ARMC8: variants seen among roughly 807,000 people sequenced by gnomAD.
ARMC8 encodes the protein armadillo repeat-containing protein 8.
In ARMC8, 20 loss-of-function variants were observed where a neutral mutation model predicts 99.3. That is an observed-to-expected ratio of 0.20 (90% CI 0.14 to 0.29). The LOEUF (loss-of-function observed/expected upper bound fraction) is 0.29. Among genes scored for constraint, ARMC8 ranks in the 10% least tolerant of loss-of-function variants. ARMC8 has a pLI of 1.00. For missense variants in ARMC8, 569 were observed against 809.5 expected, an observed-to-expected ratio of 0.70 and a Z score of 3.60; for synonymous variants, 263 against 278.3, an observed-to-expected ratio of 0.95 and a Z score of 0.55.
In ARMC8 at chr3:138,217,197, C is replaced by G. The variant is rs181716382; in HGVS notation, c.123-4729C>G. Among the ~76,000 whole-genome samples the G allele has an allele frequency of 1.9e-3, 287 of 152,240 alleles. 1 individual carries two copies. Among genetic ancestry groups the G allele is most frequent in the African/African-American group, 6.7e-3 (278 of 41,554 alleles). ...ATTTCTCAGAACATATCCCCGTCGT[C>G]AAATAATGTGTCCTCGTCGTTAAGC... On this transcript the variant is annotated intron_variant, in intron 2 of 21. Coordinates refer to ENST00000469044, the MANE Select transcript of ARMC8 (RefSeq NM_001363941.2).
intron 2 of ARMC8, among the ~76,000 whole-genome samples, chr3:138,217,372 T>C (rs1022505673): frequency 1.3e-5 from 2 of 152,050 alleles, no homozygotes; most frequent in African/African-American, 4.8e-5. Context: ...CTTGATTGAC[T>C]GAAATGGTTT....
chr3:138,265,784 G>C (rs946156750), intron 14 of ARMC8, among the ~76,000 whole-genome samples: 2 of 152,228 alleles, frequency 1.3e-5, no homozygotes, highest in African/African-American at 2.4e-5. Context: ...GGAAGAGTTA[G>C]ACCAATGCCA....
At chr3:138,218,738 A>C (rs1176741045) in intron 2 of ARMC8, among the ~76,000 whole-genome samples, 1 of 152,132 alleles carries the variant, frequency 6.6e-6, no homozygotes, top group African/African-American at 2.4e-5. Flanking sequence ...ATTGTGTGAT[A>C]CTTTCGTATA....
chr3:138,242,198 A>G lies in ARMC8; in HGVS notation c.1038+215A>G, dbSNP rs539978303. Among the ~76,000 whole-genome samples, 16 of 152,336 alleles carry G rather than the reference A, an allele frequency of 1.1e-4. No homozygotes were observed. The South Asian group carries it at 3.1e-3, about 30-fold the overall frequency. On this transcript the variant is annotated intron_variant, in intron 11 of 21. Coordinates refer to ENST00000469044, the MANE Select transcript of ARMC8 (RefSeq NM_001363941.2). ...AAAGTTTTTACTGAGCAGATAAGCA[A>G]TAAAGAAAATTGCATCCTAACTCCC... is the stretch of plus-strand genomic sequence containing the variant.
intron 11 of ARMC8, among the ~76,000 whole-genome samples, chr3:138,244,213 C>T (rs925495689): frequency 6.6e-6 from 1 of 151,866 alleles, no homozygotes; most frequent in South Asian, 2.1e-4. Flanking sequence ...CCATAGTATA[C>T]GGTTTGTTAA....
intron 2 of ARMC8, among the ~76,000 whole-genome samples, chr3:138,213,974 G>C (rs1024502842): frequency 6.6e-6 from 1 of 151,882 alleles, no homozygotes; most frequent in Middle Eastern, 3.2e-3. Flanking sequence ...TGGACAACAT[G>C]GTGAAACCCA....
intron 1 of ARMC8, among the ~76,000 whole-genome samples, chr3:138,196,591 A>G (rs2043747733): frequency 6.6e-6 from 1 of 152,274 alleles, no homozygotes; most frequent in South Asian, 2.1e-4. Context: ...AGCAAAAGCC[A>G]GGCACGGTGA....
At chr3:138,220,200 TC>T (rs2045315806) in intron 2 of ARMC8, among the ~76,000 whole-genome samples, 1 of 152,206 alleles carries the variant, frequency 6.6e-6, no homozygotes, top group Non-Finnish European at 1.5e-5. Context: ...AAAACAGGCA[TC>T]CATGAGGATG....
At chr3:138,207,570 A>G (rs1231266412) in intron 1 of ARMC8, among the ~76,000 whole-genome samples, 2 of 152,206 alleles carry the variant, frequency 1.3e-5, no homozygotes, top group Admixed American at 1.3e-4. Flanking sequence ...GGAGGGTCTG[A>G]GGTACTTAGA....
At chr3:138,244,616 A>G (rs902599875) in intron 11 of ARMC8, among the ~76,000 whole-genome samples, 1 of 152,262 alleles carries the variant, frequency 6.6e-6, no homozygotes, top group East Asian at 1.9e-4. Flanking sequence ...GGCCAGCACT[A>G]CTCTTAATGT....
chr3:138,264,246 C>T (rs1376320477), intron 14 of ARMC8, 34 bp downstream of exon 14: 6 of 1,555,374 alleles, frequency 3.9e-6, no homozygotes, highest in Admixed American at 1.7e-5. Context: ...AACAGCTGTA[C>T]TCACAGACCC....
intron 2 of ARMC8, among the ~76,000 whole-genome samples, chr3:138,212,735 A>G (rs1000691744): frequency 4.6e-5 from 7 of 152,350 alleles, no homozygotes; most frequent in Admixed American, 4.6e-4. Flanking sequence ...TTAAGTCATC[A>G]TTAAGAGACC....
chr3:138,294,023 C>T (rs569861222), intron 21 of ARMC8, among the ~76,000 whole-genome samples: 2 of 152,210 alleles, frequency 1.3e-5, no homozygotes, highest in South Asian at 4.1e-4. Flanking sequence ...TAAAAAGACT[C>T]CTTAGATAAT....
At chr3:138,256,402 CTTTTT>C (rs71146121) in intron 12 of ARMC8, among the ~76,000 whole-genome samples, 15 of 90,300 alleles carry the variant, frequency 1.7e-4, no homozygotes, top group African/African-American at 2.7e-4. Flanking sequence ...TTTCCTCCTT[CTTTTT>C]TTTTTTTTTT....
intron 12 of ARMC8, chr3:138,245,820 G>T: frequency 1.0e-6 from 1 of 985,898 alleles, no homozygotes; most frequent in Non-Finnish European, 1.2e-6. Flanking sequence ...TAGATGAGGA[G>T]TATAGTGGTA....
chr3:138,255,150 A>G (rs566315811), intron 12 of ARMC8, among the ~76,000 whole-genome samples: 3 of 133,910 alleles, frequency 2.2e-5, no homozygotes, highest in East Asian at 2.2e-4. Context: ...AAGATAGACT[A>G]TTTCCTCCCA....
chr3:138,225,410 C>G (rs917285578), intron 5 of ARMC8, among the ~76,000 whole-genome samples: 19 of 152,132 alleles, frequency 1.2e-4, no homozygotes, highest in African/African-American at 4.6e-4. Flanking sequence ...TGCGCCCGGC[C>G]TCTTCTAGCT....
intron 12 of ARMC8, among the ~76,000 whole-genome samples, chr3:138,249,622 TTATA>T (rs1376576287): frequency 6.6e-6 from 1 of 152,028 alleles, no homozygotes; most frequent in African/African-American, 2.4e-5. Context: ...ATTTGCAAGG[TTATA>T]TATACTGATA....
At chr3:138,237,894 A>G (rs148625421) in intron 9 of ARMC8, 32 of 214,796 alleles carry the variant, frequency 1.5e-4, no homozygotes, top group African/African-American at 7.3e-4. Flanking sequence ...AACATATACT[A>G]TGCTAAGTAT....
Sources: gnomAD v4.1 joint callset for allele counts (sites outside exome capture counted in the v4.1 genomes callset) on GRCh38, gnomAD v4.1.1 for gene constraint, MANE v1.5 for transcripts, NCBI Gene and HGNC (gene_info 2026-07-23, HGNC 2026-07-21) for gene names.